The following PLXNC1 variants were observed in gnomAD, a reference collection of about 807,000 sequenced individuals.
PLXNC1 encodes the protein plexin C1.
Under a neutral mutation model 178.2 loss-of-function variants are expected in PLXNC1, and 75 were observed. That is an observed-to-expected ratio of 0.42 (90% CI 0.35 to 0.51). The LOEUF (loss-of-function observed/expected upper bound fraction) is 0.51, where lower values mean the gene tolerates loss of function less well. Ranked by LOEUF, PLXNC1 falls within the 20% of genes least tolerant of loss-of-function variation. The probability of loss-of-function intolerance (pLI) is 0.02; values close to 1 mark genes in which losing one functional copy is unlikely to be tolerated. For synonymous variants in PLXNC1, 790 were observed against 779.9 expected (o/e 1.01, Z -0.22); for missense variants, 1,503 against 1,984.4 (o/e 0.76, Z 4.61).
At chr12:94,161,036 C>T (rs939074476) in intron 1 of PLXNC1, among the ~76,000 whole-genome samples, 7 of 151,910 alleles carry the variant, frequency 4.6e-5, no homozygotes, top group African/African-American at 1.5e-4. Context: ...GGCCTGAATC[C>T]ATGATTAAAG....
At chr12:94,167,672 T>A (rs983610218) in intron 1 of PLXNC1, among the ~76,000 whole-genome samples, 2 of 152,190 alleles carry the variant, frequency 1.3e-5, no homozygotes, top group African/African-American at 2.4e-5. Flanking sequence ...ACAGAGAATT[T>A]TTTTCCTTAA....
At position 94,247,954 on chromosome 12, in the gene PLXNC1, A is replaced by T; in HGVS notation, c.2440A>T (p.Lys814Ter). The T allele has an allele frequency of 6.2e-7, 1 of 1,614,146 alleles. No homozygotes were observed. Among genetic ancestry groups the T allele is most frequent in the Admixed American group, 1.7e-5 (1 of 60,010 alleles). Reference sequence around the variant, plus strand: ...CTGCGGGTTTTTAGCCCCCAGTTTAAAGAGTTCAAAAGTGCGCACGAATGT... The same window carrying T: ...CTGCGGGTTTTTAGCCCCCAGTTTATAGAGTTCAAAAGTGCGCACGAATGT... ...TYCGFLAPSL[K>*]SSKVRTNVTV... The change falls in exon 13 of 31, where the codon AAG becomes TAG. Residue 814 changes from lysine (K) to a stop codon, truncating the protein, a stop_gained. Transcript: ENST00000258526. LOFTEE classifies it high-confidence loss of function.
At chr12:94,150,821 G>C (rs1272968215) in intron 1 of PLXNC1, 1 of 152,338 alleles carries the variant, frequency 6.6e-6, no homozygotes, top group African/African-American at 2.4e-5. Flanking sequence ...TCCAGATTGC[G>C]AGACTAGATG....
intron 27 of PLXNC1, 85 bp downstream of exon 27, chr12:94,298,880 G>A (rs1369331880): frequency 7.8e-7 from 1 of 1,289,302 alleles, no homozygotes; most frequent in Non-Finnish European, 1.1e-6. Context: ...GTTATAGAAG[G>A]ATTCATTTAT....
chr12:94,166,941 C>T (rs1440714063), intron 1 of PLXNC1, among the ~76,000 whole-genome samples: 1 of 151,982 alleles, frequency 6.6e-6, no homozygotes, highest in African/African-American at 2.4e-5. Flanking sequence ...GATTTTTTAT[C>T]TCTGTAGAGA....
At chr12:94,296,377 G>C (rs1967921737) in intron 24 of PLXNC1, among the ~76,000 whole-genome samples, 1 of 152,112 alleles carries the variant, frequency 6.6e-6, no homozygotes, top group Admixed American at 6.5e-5. Context: ...GTCCAGGCTG[G>C]TCTTGAAATC....
At chr12:94,254,175 A>T (rs1407238011) in intron 15 of PLXNC1, among the ~76,000 whole-genome samples, 2 of 152,372 alleles carry the variant, frequency 1.3e-5, no homozygotes, top group African/African-American at 4.8e-5. Context: ...CCCAGGTCAC[A>T]TAGCTAGTAA....
rs1968161996 is a variant in PLXNC1 at position 94,298,578 on chromosome 12, A to G, written c.4075-54A>G. On this transcript the variant is annotated intron_variant, in intron 26 of 30. Transcript: ENST00000258526. ...GATTTGCTTTTGCTATTATGTTTTC[A>G]AAACCACTACCACAGTTTTTAATCT... The G allele has an allele frequency of 3.8e-5, 55 of 1,431,564 alleles. 3 individuals are homozygous for G. The South Asian group carries it at 6.3e-4, about 16-fold the overall frequency. The allele number at this position is 1,431,564 out of a possible 1,614,324, so 88.7% of individuals were successfully genotyped here. A position where few individuals can be genotyped will look rare whatever the true frequency, so the allele number is the denominator to read the frequency against.
intron 2 of PLXNC1, 40 bp from the exon 3 acceptor site, chr12:94,181,406 A>T: frequency 7.5e-7 from 1 of 1,326,644 alleles, no homozygotes; most frequent in Non-Finnish European, 1.1e-6. Context: ...AAAAAGTATT[A>T]AATAGAAATC....
intron 2 of PLXNC1, among the ~76,000 whole-genome samples, chr12:94,177,123 GTGTGTGTATATATA>G (rs1428082447): frequency 2.3e-4 from 21 of 89,572 alleles, no homozygotes; most frequent in East Asian, 2.0e-3. Context: ...ATATATGTGT[GTGTGTGTATATATA>G]TGTGTGTGTG....
chr12:94,155,540 G>T (rs901144211), intron 1 of PLXNC1, among the ~76,000 whole-genome samples: 1 of 152,058 alleles, frequency 6.6e-6, no homozygotes, highest in Non-Finnish European at 1.5e-5. Context: ...TTTACTTAGG[G>T]CCATAAAAAG....
At chr12:94,248,542 G>T (rs1330075217) in intron 14 of PLXNC1, 130 bp downstream of exon 14, 3 of 768,906 alleles carry the variant, frequency 3.9e-6, no homozygotes, top group Non-Finnish European at 6.2e-6. Context: ...GATAAACAAA[G>T]CTGGTACTGC....
chr12:94,175,981 A>G (rs1452466580), intron 2 of PLXNC1, among the ~76,000 whole-genome samples: 1 of 152,206 alleles, frequency 6.6e-6, no homozygotes, highest in Admixed American at 6.5e-5. Context: ...GATGTTGGAG[A>G]CTTGAAAGAT....
At chr12:94,278,055 G>A (rs754412589) in intron 21 of PLXNC1, 2 of 455,838 alleles carry the variant, frequency 4.4e-6, no homozygotes, top group Admixed American at 4.7e-5. Flanking sequence ...CGGCTTTGGA[G>A]CCCCCCCTCC....
intron 5 of PLXNC1, among the ~76,000 whole-genome samples, chr12:94,217,903 A>G (rs1963690187): frequency 6.6e-6 from 1 of 152,214 alleles, no homozygotes; most frequent in Admixed American, 6.5e-5. Context: ...CACATGTTGC[A>G]AGCTTGATGA....
At chr12:94,226,870 A>G (rs1963954666) in intron 8 of PLXNC1, among the ~76,000 whole-genome samples, 163 bp downstream of exon 8, 1 of 152,154 alleles carries the variant, frequency 6.6e-6, no homozygotes. Flanking sequence ...CTAAAAATAC[A>G]AAGTTAGTGG....
chr12:94,238,317 TA>T (rs1317318893), intron 10 of PLXNC1, among the ~76,000 whole-genome samples: 1 of 152,226 alleles, frequency 6.6e-6, no homozygotes, highest in African/African-American at 2.4e-5. Context: ...AAATTACTAC[TA>T]CATATAATGG....
At chr12:94,280,891 G>A (rs1294030857) in intron 22 of PLXNC1, among the ~76,000 whole-genome samples, 1 of 152,214 alleles carries the variant, frequency 6.6e-6, no homozygotes, top group Non-Finnish European at 1.5e-5. Flanking sequence ...AGCAAGGAGG[G>A]GGCCTGGGGA....
At position 94,294,512 on chromosome 12, in the gene PLXNC1, CT is replaced by C; in HGVS notation, c.3909del (p.Phe1303LeufsTer4). ...EISNGSTIKV[F>X]KKIANFTSDV... ...TATCAAATGGATCCACTATAAAAGT[CT>C]TTAAGAAGATAGCAAATTTTACTTC... On this transcript the variant is annotated frameshift_variant, in exon 24 of 31. Coordinates refer to ENST00000258526, the MANE Select transcript of PLXNC1 (RefSeq NM_005761.3). LOFTEE classifies it high-confidence loss of function. 1 of 1,318,156 alleles carries C rather than the reference CT, an allele frequency of 7.6e-7. No homozygotes were observed. The highest frequency in any genetic ancestry group is 1.1e-6 in the Non-Finnish European group (1 of 919,330). 81.7% of individuals were successfully genotyped at this position (1,318,156 alleles called of 1,614,324 possible). A position where few individuals can be genotyped will look rare whatever the true frequency, so the allele number is the denominator to read the frequency against.
Sources: allele counts gnomAD v4.1 joint callset (sites outside exome capture counted in the v4.1 genomes callset), GRCh38; gene constraint gnomAD v4.1.1; transcripts MANE v1.5; gene names NCBI Gene and HGNC (gene_info 2026-07-23, HGNC 2026-07-21).